The following PLEKHG1 variants were observed in gnomAD, a reference collection of about 807,000 sequenced individuals.
PLEKHG1 encodes the protein pleckstrin homology domain-containing family G member 1.
PLEKHG1 carries 44 observed loss-of-function variants against 100.8 expected under a neutral mutation model. The observed-to-expected ratio is 0.44, with a 90% CI of 0.34 to 0.56. The LOEUF (loss-of-function observed/expected upper bound fraction) is 0.56. Ranked by LOEUF, PLEKHG1 falls within the 20% of genes least tolerant of loss-of-function variation. The pLI is 0.01. For synonymous variants in PLEKHG1, 640 were observed against 662.5 expected, an observed-to-expected ratio of 0.97 and a Z score of 0.52; for missense variants, 1,545 against 1,720.9, an observed-to-expected ratio of 0.90 and a Z score of 1.81.
At chr6:150,609,858 G>A (rs1391796260) in intron 1 of PLEKHG1, among the ~76,000 whole-genome samples, 1 of 152,206 alleles carries the variant, frequency 6.6e-6, no homozygotes, top group Non-Finnish European at 1.5e-5. Context: ...GAAAGAACGT[G>A]TGGGGCTTGG....
chr6:150,805,297 T>C (rs550628297), intron 7 of PLEKHG1, among the ~76,000 whole-genome samples: 8 of 152,340 alleles, frequency 5.3e-5, no homozygotes, highest in African/African-American at 7.2e-5. Context: ...AGTTACAATT[T>C]TGAGCCTCCC....
At chr6:150,830,708 T>C in exon 15 of PLEKHG1, 2 of 1,614,182 alleles carry the variant, frequency 1.2e-6, no homozygotes, top group Non-Finnish European at 1.7e-6. Context: ...CAGAAACATC[T>C]GGACCGATCA....
At chr6:150,825,555 G>C (rs1407032097) in intron 14 of PLEKHG1, among the ~76,000 whole-genome samples, 1 of 151,914 alleles carries the variant, frequency 6.6e-6, no homozygotes, top group Admixed American at 6.6e-5. Context: ...CTGGGCAACA[G>C]AGTGAGATTC....
At chr6:150,645,854 A>G (rs1380285732) in intron 2 of PLEKHG1, among the ~76,000 whole-genome samples, 1 of 152,234 alleles carries the variant, frequency 6.6e-6, no homozygotes, top group Non-Finnish European at 1.5e-5. Flanking sequence ...CACCATGTGT[A>G]TGATGAACAG....
At chr6:150,752,185 C>CA (rs199866544) in intron 2 of PLEKHG1, among the ~76,000 whole-genome samples, 64 of 149,066 alleles carry the variant, frequency 4.3e-4, no homozygotes, top group East Asian at 1.4e-3. Context: ...GACTCTGTCT[C>CA]AAAAAAAAAT....
At chr6:150,756,133 C>T (rs1159933125) in intron 2 of PLEKHG1, among the ~76,000 whole-genome samples, 1 of 152,132 alleles carries the variant, frequency 6.6e-6, no homozygotes. Flanking sequence ...AGGACCAGGC[C>T]TCCTGGACAG....
chr6:150,829,185 T>C (rs1274969398), intron 14 of PLEKHG1, among the ~76,000 whole-genome samples: 1 of 152,224 alleles, frequency 6.6e-6, no homozygotes, highest in South Asian at 2.1e-4. Flanking sequence ...AATTAGGTCT[T>C]AACCCTTTCA....
chr6:150,818,269 A>G (rs778300477), intron 11 of PLEKHG1, 53 bp downstream of exon 12: 17 of 1,250,160 alleles, frequency 1.4e-5, no homozygotes, highest in Admixed American at 8.9e-5. Flanking sequence ...GTTTGTATCT[A>G]TCACATTTTC....
At chr6:150,797,006 T>G (rs200865274) in intron 5 of PLEKHG1, among the ~76,000 whole-genome samples, 1 of 151,988 alleles carries the variant, frequency 6.6e-6, no homozygotes, top group Non-Finnish European at 1.5e-5. Context: ...GTTTTGTTTT[T>G]TTGAGACAGA....
intron 1 of PLEKHG1, among the ~76,000 whole-genome samples, chr6:150,614,833 T>G (rs1277982494): frequency 6.6e-6 from 1 of 152,220 alleles, no homozygotes; most frequent in Admixed American, 6.5e-5. Flanking sequence ...TACTGGATAG[T>G]TTTTACTGCT....
chr6:150,638,310 T>TGCTCTCATG (rs1208576600), intron 2 of PLEKHG1, among the ~76,000 whole-genome samples: 1 of 152,182 alleles, frequency 6.6e-6, no homozygotes, highest in African/African-American at 2.4e-5. Context: ...CTACCTCCTG[T>TGCTCTCATG]GCTCTCATGT....
At chr6:150,610,802 A>T (rs1776796706) in intron 1 of PLEKHG1, among the ~76,000 whole-genome samples, 1 of 152,256 alleles carries the variant, frequency 6.6e-6, no homozygotes. Context: ...TCTATAATAA[A>T]TGTGGGGCTC....
chr6:150,613,920 C>T (rs1699407586), intron 1 of PLEKHG1, among the ~76,000 whole-genome samples: 1 of 152,158 alleles, frequency 6.6e-6, no homozygotes, highest in African/African-American at 2.4e-5. Flanking sequence ...TTATAACTAC[C>T]ACACAATTAA....
chr6:150,765,829 T>C (rs1394324363), intron 2 of PLEKHG1, among the ~76,000 whole-genome samples: 1 of 152,232 alleles, frequency 6.6e-6, no homozygotes, highest in African/African-American at 2.4e-5. Context: ...TATTATTAGA[T>C]TGATATTAAA....
At chr6:150,837,161 C>CA (rs532468798) in intron 15 of PLEKHG1, among the ~76,000 whole-genome samples, 6 of 151,974 alleles carry the variant, frequency 3.9e-5, no homozygotes, top group Admixed American at 2.6e-4. Context: ...GACTTTGTCT[C>CA]AAAAAAACAT....
intron 3 of PLEKHG1, among the ~76,000 whole-genome samples, chr6:150,771,807 G>A (rs1015427575): frequency 6.6e-6 from 1 of 152,166 alleles, no homozygotes; most frequent in East Asian, 1.9e-4. Context: ...ATTAAAGAGG[G>A]CATAAAGAAA....
intron 15 of PLEKHG1, among the ~76,000 whole-genome samples, chr6:150,838,866 T>C (rs929626789): frequency 6.6e-6 from 1 of 152,218 alleles, no homozygotes; most frequent in African/African-American, 2.4e-5. Flanking sequence ...TTTAGTGCTC[T>C]GCTTCTTGGG....
At position 150,819,779 on chromosome 6, in the gene PLEKHG1, G is replaced by A; in HGVS notation, c.1408+5G>A. The A allele has an allele frequency of 6.6e-7, 1 of 1,506,416 alleles. No homozygotes were observed. Among genetic ancestry groups the A allele is most frequent in the Non-Finnish European group, 9.2e-7 (1 of 1,089,110 alleles). The allele number at this position is 1,506,416 out of a possible 1,614,324, so 93.3% of individuals were successfully genotyped here. The stretch of plus-strand genomic sequence containing the variant: ...ATCGGCTGAGAAGAAAATCTGGTAA[G>A]TAAGATGTTGTCATAAAAATTTAAT... On this transcript the variant is annotated splice_donor_5th_base_variant and intron_variant, in intron 12 of 15. Coordinates refer to ENST00000358517, the Ensembl canonical transcript of PLEKHG1.
At chr6:150,765,265 A>G (rs9478134) in intron 2 of PLEKHG1, among the ~76,000 whole-genome samples, 55,258 of 151,848 alleles carry the variant, frequency 0.36, 12,326 homozygotes, top group African/African-American at 0.61. Context: ...GGCCAAGGCA[A>G]GTGGATCACC....
Sources: allele counts gnomAD v4.1 joint callset (sites outside exome capture counted in the v4.1 genomes callset), GRCh38; gene constraint gnomAD v4.1.1; transcripts MANE v1.5; gene names NCBI Gene and HGNC (gene_info 2026-07-23, HGNC 2026-07-21).